Variants in PITPNM3 observed in about 807,000 individuals in gnomAD.
PITPNM3 encodes membrane-associated phosphatidylinositol transfer protein 3.
A neutral mutation model predicts 102.0 loss-of-function variants in PITPNM3; 26 were observed. The observed-to-expected ratio is 0.25, with a 90% CI of 0.19 to 0.35. PITPNM3 has a LOEUF of 0.35. Among genes scored for constraint, PITPNM3 ranks in the 10% least tolerant of loss-of-function variants. PITPNM3 has a pLI of 1.00. For synonymous variants in PITPNM3, 578 were observed against 558.6 expected, an observed-to-expected ratio of 1.03 and a Z score of -0.49; for missense variants, 1,083 against 1,346.1, an observed-to-expected ratio of 0.80 and a Z score of 3.06.
chr17:6,467,080 C>CAAAAAAAAAA (rs752960279), intron 14 of PITPNM3, among the ~76,000 whole-genome samples: 25 of 60,990 alleles, frequency 4.1e-4, no homozygotes, highest in South Asian at 1.4e-3. Flanking sequence ...AAAAAAAAAA[C>CAAAAAAAAAA]CAAAAAAAAA....
At chr17:6,483,838 TAC>T (rs1454366374) in intron 5 of PITPNM3, 86 bp from the exon 6 acceptor site, 8 of 1,137,354 alleles carry the variant, frequency 7.0e-6, no homozygotes, top group East Asian at 2.4e-5. Flanking sequence ...CATGTGCGCA[TAC>T]ACACACACTC....
At chr17:6,497,818 G>A (rs1906926830) in intron 4 of PITPNM3, among the ~76,000 whole-genome samples, 2 of 152,232 alleles carry the variant, frequency 1.3e-5, no homozygotes, top group African/African-American at 2.4e-5. Context: ...AGGTCTTCCT[G>A]CTGTAGAATC....
intron 18 of PITPNM3, chr17:6,461,114 G>A (rs1904424762): frequency 1.1e-5 from 6 of 559,862 alleles, no homozygotes; most frequent in Admixed American, 6.0e-5. Flanking sequence ...CAGATGTAGA[G>A]ACAAGAGTCA....
At position 6,468,979 on chromosome 17, in the gene PITPNM3, C is replaced by T. The variant is rs1160203263; in HGVS notation, c.1774-638G>A. On this transcript the variant is annotated intron_variant, in intron 13 of 19. Coordinates refer to ENST00000262483, the MANE Select transcript of PITPNM3 (RefSeq NM_031220.4). This position sits in a 1 kb window ranked among gnomAD's most constrained non-coding sequence, Gnocchi z 5.2. ...CTTCTCCATCACTCCTCTACGGAAG[C>T]CATTCTTGCCACTGCCCCGGTGACT... Among the ~76,000 whole-genome samples, 2 of 152,182 alleles carry T rather than the reference C, an allele frequency of 1.3e-5. No individual in the cohort carries two copies. The highest frequency in any genetic ancestry group is 3.4e-3 in the Middle Eastern group (1 of 294).
At position 6,464,279 on chromosome 17, in the gene PITPNM3, A is replaced by C; in HGVS notation, c.2047T>G (p.Trp683Gly). Residue 683 changes from tryptophan (W) to glycine (G), a missense_variant, in exon 16 of 20, where the codon TGG (tryptophan) becomes GGG (glycine). Transcript: ENST00000262483. ...LVMAEPSSGRWVHLDTEITNS... is the reference protein window; with the variant it reads ...LVMAEPSSGRGVHLDTEITNS... ...GTGATCTCTGTGTCCAGGTGTACCC[A>C]GCGGCCTGAGGATGGCTCTGCCATT... 6.2e-7 allele frequency: 1 copy of C among 1,614,118 alleles called. No homozygotes were observed. The highest frequency in any genetic ancestry group is 8.5e-7 in the Non-Finnish European group (1 of 1,180,014).
rs905098658 is a variant in PITPNM3, at chr17:6,468,304, G to A, written c.1811C>T (p.Ala604Val). The A allele has an allele frequency of 6.2e-7, 1 of 1,614,036 alleles. No individual in the cohort carries two copies. Among genetic ancestry groups the A allele is most frequent in the African/African-American group, 1.3e-5 (1 of 75,062 alleles). Residue 604 changes from alanine (A) to valine (V), a missense_variant, in exon 14 of 20, where the codon GCC becomes GTC. Around this residue, in one of 5 missense-constraint regions of PITPNM3, gnomAD observed 410 missense variants for 638.4 expected, o/e 0.64. Coordinates refer to ENST00000262483, the MANE Select transcript of PITPNM3 (RefSeq NM_031220.4). The surrounding 1 kb of genome is among the most constrained non-coding windows in gnomAD (Gnocchi z 5.2). The stretch of plus-strand genomic sequence containing the variant: ...ACTCAGTGCTGCAGGGTCCAGGCGG[G>A]CGCTTTCCTTGATGTTCACGCTCTC... ...RYESVNIKES[A>V]RLDPAALSPA... is the part of the protein sequence containing the mutation.
intron 10 of PITPNM3, chr17:6,473,124 C>T: frequency 2.2e-6 from 1 of 460,378 alleles, no homozygotes; most frequent in Non-Finnish European, 4.0e-6. Flanking sequence ...TGGGCCCTCC[C>T]TCCCCCATTT....
intron 5 of PITPNM3, 42 bp from the exon 6 acceptor site, chr17:6,483,794 G>T: frequency 6.3e-7 from 1 of 1,576,060 alleles, no homozygotes. Flanking sequence ...AGAGGCGGCT[G>T]GGGTCGGGGG....
At chr17:6,497,023 GAC>G (rs374684405) in intron 4 of PITPNM3, among the ~76,000 whole-genome samples, 6 of 152,014 alleles carry the variant, frequency 3.9e-5, no homozygotes, top group African/African-American at 1.4e-4. Flanking sequence ...GCCAAGCAGA[GAC>G]ACACACACAC....
chr17:6,556,368 C>A lies in PITPNM3; in HGVS notation c.22+17G>T. Reference sequence around the variant, plus strand: ...TCCCCCGGGCCCCGGCCCTGCCCTCCCCGCGCCCGCCCTCACCTGCACGGC... The same window carrying A: ...TCCCCCGGGCCCCGGCCCTGCCCTCACCGCGCCCGCCCTCACCTGCACGGC... On this transcript the variant is annotated intron_variant, in intron 1 of 19. Transcript: ENST00000262483. This position sits in a 1 kb window ranked among gnomAD's most constrained non-coding sequence, Gnocchi z 5.2. The A allele has an allele frequency of 7.1e-7, 1 of 1,398,776 alleles. No individual in the cohort carries two copies. The highest frequency in any genetic ancestry group is 1.5e-5 in the South Asian group (1 of 67,090). The allele number at this position is 1,398,776 out of a possible 1,614,324, so 86.6% of individuals were successfully genotyped here.
intron 4 of PITPNM3, among the ~76,000 whole-genome samples, chr17:6,487,657 C>T (rs896353434): frequency 6.6e-6 from 1 of 152,324 alleles, no homozygotes; most frequent in East Asian, 1.9e-4. Flanking sequence ...CTCCTGGGCA[C>T]GATGCCCTCT....
In PITPNM3 at chr17:6,535,664, A is replaced by T. The variant is rs922342248; in HGVS notation, c.118+2323T>A. Among the ~76,000 whole-genome samples, 3 of 152,126 alleles carry T rather than the reference A, an allele frequency of 2.0e-5. 1 individual carries two copies. The highest frequency in any genetic ancestry group is 4.4e-5 in the Non-Finnish European group (3 of 68,032). On this transcript the variant is annotated intron_variant, in intron 2 of 19. Transcript: ENST00000262483. Reference sequence around the variant, plus strand: ...CCGGGTGCGGTGGCTCACACCTGTAATCCCAGCACTTTGGGAGGCCAAGGC... The same window carrying T: ...CCGGGTGCGGTGGCTCACACCTGTATTCCCAGCACTTTGGGAGGCCAAGGC...
chr17:6,463,092 C>G (rs1904553810), intron 17 of PITPNM3, among the ~76,000 whole-genome samples: 1 of 152,124 alleles, frequency 6.6e-6, no homozygotes. Context: ...TAGGCCTGTT[C>G]TTACGGAGCT....
intron 3 of PITPNM3, among the ~76,000 whole-genome samples, chr17:6,523,528 C>T (rs1357864628): frequency 6.6e-6 from 1 of 152,218 alleles, no homozygotes; most frequent in Admixed American, 6.5e-5. Flanking sequence ...TGACCGACTG[C>T]CCTTAGCTCT....
chr17:6,514,824 T>C (rs1276912937), intron 3 of PITPNM3, among the ~76,000 whole-genome samples: 2 of 152,206 alleles, frequency 1.3e-5, no homozygotes, highest in Non-Finnish European at 2.9e-5. Context: ...GCATTATTCA[T>C]AATAGCCAAA....
intron 3 of PITPNM3, among the ~76,000 whole-genome samples, chr17:6,504,291 C>G (rs921513975): frequency 5.3e-5 from 8 of 152,154 alleles, no homozygotes; most frequent in Non-Finnish European, 1.2e-4. Context: ...AGCCCACACT[C>G]CAGGGCCTGG....
rs557657473 is a variant in PITPNM3, at chr17:6,472,076, G to A, written c.1429+581C>T. 7.4e-4 allele frequency among the ~76,000 whole-genome samples: 112 copies of A among 152,308 alleles called. No homozygotes were observed. The highest frequency in any genetic ancestry group is 6.8e-3 in the Middle Eastern group (2 of 294). The stretch of plus-strand genomic sequence containing the variant: ...GGCTCCGATTTCCAAGCTGCTGACT[G>A]TCCATTACAGGTCTCCCATCGACGA... On this transcript the variant is annotated intron_variant, in intron 11 of 19. Transcript: ENST00000262483. This position sits in a 1 kb window ranked among gnomAD's most constrained non-coding sequence, Gnocchi z 4.1.
intron 17 of PITPNM3, 114 bp from the exon 18 acceptor site, chr17:6,461,670 G>A: frequency 8.0e-7 from 1 of 1,245,482 alleles, no homozygotes; most frequent in Non-Finnish European, 1.2e-6. Context: ...CGAGTCTGAG[G>A]CGTGCTAGGG....
At chr17:6,534,767 A>G (rs989989551) in intron 2 of PITPNM3, among the ~76,000 whole-genome samples, 2 of 151,572 alleles carry the variant, frequency 1.3e-5, no homozygotes, top group African/African-American at 4.9e-5. Flanking sequence ...TCCTCTGGTC[A>G]TTTTTGTATC....
Sources: gnomAD v4.1 joint callset for allele counts (sites outside exome capture counted in the v4.1 genomes callset) on GRCh38, gnomAD v4.1.1 for gene constraint, gnomAD v4.1.1 regional missense constraint, Gnocchi (gnomAD v3.1) non-coding constraint, MANE v1.5 for transcripts, NCBI Gene and HGNC (gene_info 2026-07-23, HGNC 2026-07-21) for gene names.